The following TANGO6 variants were observed in gnomAD, a reference collection of about 807,000 sequenced individuals.
TANGO6 encodes transport and golgi organization 6 homolog.
A neutral mutation model predicts 114.2 loss-of-function variants in TANGO6; 90 were observed. The ratio of observed to expected loss-of-function variants is 0.79; its 90% confidence interval spans 0.66 to 0.94. TANGO6 has a LOEUF of 0.94. TANGO6 is among the 40% of genes least tolerant of loss of function. TANGO6 has a pLI of 0.00. For synonymous variants in TANGO6, 477 were observed against 509.8 expected (o/e 0.94, Z 0.87); for missense variants, 1,274 against 1,315.3 (o/e 0.97, Z 0.49).
intron 11 of TANGO6, among the ~76,000 whole-genome samples, chr16:68,917,418 T>A (rs1963021363): frequency 6.6e-6 from 1 of 152,156 alleles, no homozygotes; most frequent in Non-Finnish European, 1.5e-5. Context: ...TGGATAAATA[T>A]CAAGGCAAGC....
intron 1 of TANGO6, among the ~76,000 whole-genome samples, chr16:68,846,056 G>C (rs1238590624): frequency 6.6e-6 from 1 of 151,000 alleles, no homozygotes; most frequent in Admixed American, 6.6e-5. Flanking sequence ...ATGGAATTTC[G>C]CTCTTGTTGC....
chr16:68,919,122 G>A lies in TANGO6; in HGVS notation c.2030G>A (p.Cys677Tyr). ...DFVAATLQRA[C>Y]ASLAHQAEST... ...GTAGCAGCAACATTGCAGAGAGCCTGTGCAAGCCTGGCCCATCAGGCAGAG... is the reference window on the plus strand; with the variant it reads ...GTAGCAGCAACATTGCAGAGAGCCTATGCAAGCCTGGCCCATCAGGCAGAG... Residue 677 changes from cysteine (C) to tyrosine (Y), a missense_variant, in exon 12 of 18, where the codon TGT becomes TAT. Transcript: ENST00000261778. The A allele has an allele frequency of 6.2e-7, 1 of 1,613,296 alleles. No individual in the cohort carries two copies.
chr16:69,050,223 A>C (rs981863494), intron 17 of TANGO6, among the ~76,000 whole-genome samples: 14 of 152,166 alleles, frequency 9.2e-5, no homozygotes, highest in Non-Finnish European at 2.9e-5. Flanking sequence ...AATTCTCCAT[A>C]TCCTCACGAA....
chr16:69,060,596 A>T (rs1237127992), intron 17 of TANGO6, among the ~76,000 whole-genome samples: 1 of 144,968 alleles, frequency 6.9e-6, no homozygotes, highest in Non-Finnish European at 1.5e-5. Context: ...TCTGTCTCTT[A>T]AAAAAAAAAA....
chr16:68,954,978 A>G (rs1180102643), intron 14 of TANGO6, among the ~76,000 whole-genome samples: 5 of 152,238 alleles, frequency 3.3e-5, no homozygotes, highest in African/African-American at 1.2e-4. Flanking sequence ...TTTTAAAATT[A>G]CATGGCTGTT....
At chr16:69,056,043 AAAAAAAGAAAAAG>A in intron 17 of TANGO6, among the ~76,000 whole-genome samples, 1 of 152,304 alleles carries the variant, frequency 6.6e-6, no homozygotes, top group African/African-American at 2.4e-5. Flanking sequence ...CCATCTCAAA[AAAAAAAGAAAAAG>A]AAAAAAGAAA....
intron 17 of TANGO6, among the ~76,000 whole-genome samples, chr16:69,063,222 GA>G (rs35318231): frequency 0.63 from 84,457 of 134,670 alleles, 25,329 homozygotes; most frequent in Admixed American, 0.69. Context: ...GACTTCGTCT[GA>G]AAAAAAAAAA....
intron 8 of TANGO6, among the ~76,000 whole-genome samples, chr16:68,902,073 C>T (rs1038502604): frequency 7.4e-5 from 11 of 149,616 alleles, no homozygotes; most frequent in African/African-American, 2.7e-4. Flanking sequence ...AAAAAAATCA[C>T]GTGGGGCTCA....
intron 14 of TANGO6, among the ~76,000 whole-genome samples, chr16:68,967,247 G>C (rs759494229): frequency 6.6e-6 from 1 of 152,172 alleles, no homozygotes; most frequent in East Asian, 1.9e-4. Flanking sequence ...GGATGAAACT[G>C]TTCCACCTCA....
chr16:69,052,629 C>T (rs545284981), intron 17 of TANGO6, among the ~76,000 whole-genome samples: 1 of 152,044 alleles, frequency 6.6e-6, no homozygotes, highest in South Asian at 2.1e-4. Flanking sequence ...GCTTCTGTTC[C>T]AAAGGTGGAA....
intron 11 of TANGO6, among the ~76,000 whole-genome samples, chr16:68,913,404 ATTTTTTT>A (rs769117351): frequency 8.2e-6 from 1 of 122,512 alleles, no homozygotes; most frequent in Non-Finnish European, 1.7e-5. Flanking sequence ...AAAATTATTA[ATTTTTTT>A]TTTTTTTTTT....
chr16:68,974,559 G>T (rs1353889551), intron 15 of TANGO6, among the ~76,000 whole-genome samples: 1 of 152,140 alleles, frequency 6.6e-6, no homozygotes, highest in Non-Finnish European at 1.5e-5. Flanking sequence ...TACTCGGGAG[G>T]TTAAGTCAGG....
At chr16:68,950,160 T>C (rs371366046) in intron 14 of TANGO6, among the ~76,000 whole-genome samples, 3 of 152,130 alleles carry the variant, frequency 2.0e-5, no homozygotes, top group African/African-American at 4.8e-5. Flanking sequence ...AAGGAGTGAC[T>C]GATAATGGAT....
At chr16:68,928,595 C>T (rs987746884) in intron 13 of TANGO6, among the ~76,000 whole-genome samples, 5 of 151,820 alleles carry the variant, frequency 3.3e-5, no homozygotes, top group Admixed American at 2.0e-4. Context: ...CCACCACACC[C>T]ATCCTTCAAA....
intron 14 of TANGO6, among the ~76,000 whole-genome samples, chr16:68,959,861 CT>C (rs1193293448): frequency 1.3e-5 from 2 of 152,206 alleles, no homozygotes; most frequent in Non-Finnish European, 2.9e-5. Flanking sequence ...TGCAGCTTTT[CT>C]TTGCATAGGC....
chr16:69,079,656 A>G (rs1472725692), intron 17 of TANGO6, among the ~76,000 whole-genome samples: 1 of 152,246 alleles, frequency 6.6e-6, no homozygotes, highest in Admixed American at 6.5e-5. Context: ...TTATGTTTAT[A>G]TATTTGTTGG....
intron 15 of TANGO6, among the ~76,000 whole-genome samples, chr16:68,975,906 A>T (rs1374831399): frequency 6.6e-6 from 1 of 151,954 alleles, no homozygotes; most frequent in African/African-American, 2.4e-5. Context: ...AATGTGTGAA[A>T]TGATGATATT....
intron 14 of TANGO6, among the ~76,000 whole-genome samples, chr16:68,936,175 C>A (rs973846648): frequency 1.3e-5 from 2 of 151,984 alleles, no homozygotes; most frequent in Admixed American, 6.6e-5. Context: ...CAGAGTGACA[C>A]CTTATCTCAA....
Position 68,902,416 on chromosome 16 carries a change from G to A in TANGO6, c.1579G>A (p.Asp527Asn). ...IASLKGFAGL[D>N]KAVPSLHSLC... ...CAGCCTGAAAGGATTTGCAGGGTTG[G>A]ACAAAGCTGTGCCCTCTCTCCATTC... Residue 527 changes from aspartate to asparagine, a missense_variant, in exon 9 of 18, where the codon GAC (aspartate) becomes AAC (asparagine). Coordinates refer to ENST00000261778, the MANE Select transcript of TANGO6 (RefSeq NM_024562.2). The A allele has an allele frequency of 6.2e-7, 1 of 1,613,896 alleles. No homozygotes were observed. The highest frequency in any genetic ancestry group is 8.5e-7 in the Non-Finnish European group (1 of 1,179,834).
Sources: gnomAD v4.1 joint callset for allele counts (sites outside exome capture counted in the v4.1 genomes callset) on GRCh38, gnomAD v4.1.1 for gene constraint, MANE v1.5 for transcripts, NCBI Gene and HGNC (gene_info 2026-07-23, HGNC 2026-07-21) for gene names.